BLK: variants seen among roughly 807,000 people sequenced by gnomAD.
BLK encodes tyrosine-protein kinase Blk.
In BLK, 64 loss-of-function variants were observed where a neutral mutation model predicts 61.8. The observed-to-expected ratio is 1.03, with a 90% CI of 0.85 to 1.27. BLK has a LOEUF of 1.27. BLK is among the 50% of genes most tolerant of loss of function. The pLI is 0.00. For synonymous variants in BLK, 351 were observed against 272.0 expected, an observed-to-expected ratio of 1.29 and a Z score of -2.86; for missense variants, 853 against 660.5, an observed-to-expected ratio of 1.29 and a Z score of -3.19.
At chr8:11,511,633 T>C (rs1799011424) in intron 1 of BLK, among the ~76,000 whole-genome samples, 1 of 152,252 alleles carries the variant, frequency 6.6e-6, no homozygotes, top group African/African-American at 2.4e-5. Context: ...TCTGGGAATC[T>C]CTGCTAGGTT....
intron 6 of BLK, among the ~76,000 whole-genome samples, chr8:11,553,774 A>C (rs752249505): frequency 1.7e-4 from 26 of 152,144 alleles, no homozygotes; most frequent in Non-Finnish European, 3.4e-4. Flanking sequence ...TCCTTTTGCA[A>C]GTAGGTGATG....
At chr8:11,521,304 T>C (rs1799437505) in intron 1 of BLK, among the ~76,000 whole-genome samples, 1 of 152,208 alleles carries the variant, frequency 6.6e-6, no homozygotes, top group East Asian at 1.9e-4. Context: ...ATAAAATTTT[T>C]TCTTGAGACA....
intron 3 of BLK, 135 bp downstream of exon 3, chr8:11,546,238 C>A: frequency 9.3e-7 from 1 of 1,077,198 alleles, no homozygotes; most frequent in Non-Finnish European, 1.4e-6. Context: ...TGAGAGAGGC[C>A]CCGGCTCTGT....
chr8:11,548,409 C>T (rs1462956203), intron 4 of BLK, among the ~76,000 whole-genome samples: 2 of 152,232 alleles, frequency 1.3e-5, no homozygotes, highest in Admixed American at 1.3e-4. Context: ...GGCATGTGGA[C>T]CTTGTCCTTT....
intron 6 of BLK, among the ~76,000 whole-genome samples, chr8:11,552,284 G>T (rs1020036528): frequency 3.3e-5 from 5 of 152,244 alleles, no homozygotes; most frequent in Admixed American, 2.0e-4. Flanking sequence ...AAAGGGGCAG[G>T]ACCAGGTTGG....
intron 1 of BLK, among the ~76,000 whole-genome samples, chr8:11,541,835 A>G (rs1452352720): frequency 6.6e-6 from 1 of 152,140 alleles, no homozygotes; most frequent in Non-Finnish European, 1.5e-5. Flanking sequence ...TGAAACCCTA[A>G]ATCTCTGAAA....
At position 11,550,192 on chromosome 8, in the gene BLK, TGA is replaced by T. The variant is rs758030935; in HGVS notation, c.406_407del (p.Arg136AlafsTer18). On this transcript the variant is annotated frameshift_variant, in exon 6 of 13. Coordinates refer to ENST00000259089, the MANE Select transcript of BLK (RefSeq NM_001715.3). LOFTEE classifies it high-confidence loss of function. Reference protein sequence around the residue: ...FFRSQGRKEAERQLLAPINKA... With the variant: ...FFRSQGRKEAXRQLLAPINKA... ...TTAGATCACAGGGTCGGAAGGAGGCTGAGAGGCAGCTTCTTGCTCCAATCAAC... is the reference window on the plus strand; with the variant it reads ...TTAGATCACAGGGTCGGAAGGAGGCTGAGGCAGCTTCTTGCTCCAATCAAC... 1.2e-6 allele frequency: 2 copies of T among 1,614,162 alleles called. No homozygotes were observed. Among genetic ancestry groups the T allele is most frequent in the Admixed American group, 3.3e-5 (2 of 60,026 alleles).
intron 1 of BLK, among the ~76,000 whole-genome samples, chr8:11,523,810 C>T (rs1035183804): frequency 6.7e-6 from 1 of 149,320 alleles, no homozygotes; most frequent in Non-Finnish European, 1.5e-5. Context: ...TGTTGTTCAT[C>T]ACTTTTCACT....
At chr8:11,518,385 A>T (rs140695244) in intron 1 of BLK, among the ~76,000 whole-genome samples, 1 of 152,270 alleles carries the variant, frequency 6.6e-6, no homozygotes, top group Admixed American at 6.5e-5. Flanking sequence ...CCCGCTAGAT[A>T]CTGGGTTCTG....
intron 1 of BLK, among the ~76,000 whole-genome samples, chr8:11,515,349 G>T (rs777055510): frequency 6.6e-6 from 1 of 152,094 alleles, no homozygotes; most frequent in South Asian, 2.1e-4. Flanking sequence ...TCTGGAAGCC[G>T]GCCTCCTGGG....
At chr8:11,496,707 G>A (rs1585311040) in intron 1 of BLK, among the ~76,000 whole-genome samples, 1 of 152,208 alleles carries the variant, frequency 6.6e-6, no homozygotes, top group East Asian at 1.9e-4. Flanking sequence ...AGAAAGCCAG[G>A]AATGGAGAGA....
Position 11,557,869 on chromosome 8 carries a change from C to T in BLK, c.953-93C>T, listed in dbSNP as rs139228022. ...TGAGGGTGCAAACTCCCACTTCCCG[C>T]GCCCATGGGGAGCCACTCACACCAG... On this transcript the variant is annotated intron_variant, in intron 9 of 12. Coordinates refer to ENST00000259089, the MANE Select transcript of BLK (RefSeq NM_001715.3). 5.0e-4 allele frequency: 556 copies of T among 1,104,850 alleles called. 4 individuals are homozygous for T. In the East Asian group the frequency reaches 8.4e-3, roughly 17 times the overall value. 68.4% of individuals were successfully genotyped at this position (1,104,850 alleles called of 1,614,324 possible).
rs368987710 is a variant in BLK, at chr8:11,550,267, G to A, written c.472+5G>A. 1.2e-6 allele frequency: 2 copies of A among 1,613,538 alleles called. No individual in the cohort carries two copies. The highest frequency in any genetic ancestry group is 1.1e-5 in the South Asian group (1 of 91,044). ...GAGAGAGTGAAACCAACAAAGGTAG[G>A]CTTGGTGGCTTTGCCTGCCTTCCTT... On this transcript the variant is annotated splice_donor_5th_base_variant and intron_variant, in intron 6 of 12. Coordinates refer to ENST00000259089, the MANE Select transcript of BLK (RefSeq NM_001715.3).
At chr8:11,502,589 G>A (rs1017142300) in intron 1 of BLK, among the ~76,000 whole-genome samples, 2 of 152,120 alleles carry the variant, frequency 1.3e-5, no homozygotes, top group African/African-American at 2.4e-5. Context: ...CGCCCGGCCC[G>A]TATAGTTTTT....
Position 11,555,473 on chromosome 8 carries a change from A to G in BLK, c.761A>G (p.Glu254Gly), listed in dbSNP as rs779861022. The G allele has an allele frequency of 2.5e-6, 4 of 1,614,102 alleles. No homozygotes were observed. The highest frequency in any genetic ancestry group is 4.5e-5 in the East Asian group (2 of 44,860). ...VRKLGSGQFG[E>G]VWMGYYKNNM... ...AAACTCGGGTCTGGACAATTCGGCG[A>G]AGTCTGGATGGGTGAGTGTGTGCAC... The change falls in exon 8 of 13, where the codon GAA (glutamate) becomes GGA (glycine). Residue 254 changes from glutamate (E) to glycine (G), a missense_variant. Physicochemically the swap from Glu to Gly is moderately conservative, Grantham distance 98. Coordinates refer to ENST00000259089, the MANE Select transcript of BLK (RefSeq NM_001715.3).
At chr8:11,519,688 T>C (rs778655057) in intron 1 of BLK, among the ~76,000 whole-genome samples, 20 of 152,204 alleles carry the variant, frequency 1.3e-4, no homozygotes, top group Non-Finnish European at 2.9e-4. Context: ...ATTATCTCAA[T>C]TGTATTGACT....
chr8:11,504,766 C>A (rs6980884), intron 1 of BLK, among the ~76,000 whole-genome samples: 64,550 of 151,960 alleles, frequency 0.42, 14,737 homozygotes, highest in Non-Finnish European at 0.51. Context: ...GATAAGGGTG[C>A]TGGCATATTT....
chr8:11,509,944 A>T (rs568743166), intron 1 of BLK: 4 of 152,256 alleles, frequency 2.6e-5, no homozygotes, highest in Non-Finnish European at 2.9e-5. Context: ...TAACATAAGC[A>T]TCTTTCCCAC....
intron 1 of BLK, among the ~76,000 whole-genome samples, chr8:11,529,178 G>T (rs879838619): frequency 6.6e-6 from 1 of 152,158 alleles, no homozygotes; most frequent in African/African-American, 2.4e-5. Context: ...GGTTCACCTT[G>T]CCCGCTGCCT....
Sources: gnomAD v4.1 joint callset for allele counts (sites outside exome capture counted in the v4.1 genomes callset) on GRCh38, gnomAD v4.1.1 for gene constraint, MANE v1.5 for transcripts, NCBI Gene and HGNC (gene_info 2026-07-23, HGNC 2026-07-21) for gene names.